The following DAB2IP variants were observed in gnomAD, a reference collection of about 807,000 sequenced individuals.
DAB2IP encodes disabled homolog 2-interacting protein.
Under a neutral mutation model 107.2 loss-of-function variants are expected in DAB2IP, and 28 were observed. The ratio of observed to expected loss-of-function variants is 0.26; its 90% CI spans 0.19 to 0.36. The LOEUF (loss-of-function observed/expected upper bound fraction) is 0.36, where lower values mean the gene tolerates loss of function less well. DAB2IP is among the 10% of genes least tolerant of loss of function. The pLI is 1.00. For missense variants in DAB2IP, 1,400 were observed against 1,644.7 expected (o/e 0.85, Z 2.57); for synonymous variants, 755 against 706.4 (o/e 1.07, Z -1.09).
intron 1 of DAB2IP, among the ~76,000 whole-genome samples, chr9:121,656,379 C>G (rs761226168): frequency 2.6e-5 from 4 of 152,162 alleles, no homozygotes; most frequent in Non-Finnish European, 5.9e-5. Flanking sequence ...GTTGGGCGAG[C>G]CTGAGAACAG....
In DAB2IP at chr9:121,614,318, C is replaced by G. The variant is rs1303531754; in HGVS notation, c.40+47090C>G. Among the ~76,000 whole-genome samples the G allele has an allele frequency of 2.0e-5, 3 of 148,164 alleles. No homozygotes were observed. The Middle Eastern group carries it at 0.011, about 522-fold the overall frequency. On this transcript the variant is annotated intron_variant, in intron 1 of 16. Coordinates refer to the DAB2IP transcript ENST00000259371. ...CCTAATGTGTCCAGGACTCTCCCAC[C>G]TTTGCACTTCTTTCTTTTCTTTTTT...
rs920049219 is a variant in DAB2IP at position 121,599,917 on chromosome 9, C to T, written c.40+32689C>T. Among the ~76,000 whole-genome samples, 3 of 152,138 alleles carry T rather than the reference C, an allele frequency of 2.0e-5. No individual in the cohort carries two copies. Among genetic ancestry groups the T allele is most frequent in the Non-Finnish European group, 4.4e-5 (3 of 68,034 alleles). ...ATGGGCGGCGACTTTGCTTTATTTA[C>T]CCCGCTTTTCCCCTACAGTCCCCTC... On this transcript the variant is annotated intron_variant, in intron 1 of 16. Transcript: ENST00000259371. The surrounding 1 kb of genome is among the most constrained non-coding windows in gnomAD (Gnocchi z 6.9).
intron 1 of DAB2IP, among the ~76,000 whole-genome samples, chr9:121,642,907 T>A (rs1832412270): frequency 6.6e-6 from 1 of 152,062 alleles, no homozygotes; most frequent in South Asian, 2.1e-4. Flanking sequence ...GGAAGGTCTC[T>A]GAGGGTGTGA....
intron 8 of DAB2IP, among the ~76,000 whole-genome samples, chr9:121,764,513 A>G (rs1834125976): frequency 6.6e-6 from 1 of 152,192 alleles, no homozygotes; most frequent in Admixed American, 6.5e-5. Flanking sequence ...CTCCTGGGAT[A>G]TATGTGTGTG....
At chr9:121,783,693 C>A in exon 16 of DAB2IP, 1 of 1,080,648 alleles carries the variant, frequency 9.3e-7, no homozygotes, top group Non-Finnish European at 1.4e-6. Context: ...GTGTGTGTGG[C>A]CGGCCTCCTC....
At chr9:121,769,201 A>G (rs59074078) in intron 10 of DAB2IP, among the ~76,000 whole-genome samples, 7,108 of 152,142 alleles carry the variant, frequency 0.047, 331 homozygotes, top group African/African-American at 0.12. Context: ...CTTCCCGAAT[A>G]TCTGTTGCTT....
Position 121,700,880 on chromosome 9 carries a change from G to T in DAB2IP, c.362+1422G>T, listed in dbSNP as rs1001107387. 2.0e-5 allele frequency among the ~76,000 whole-genome samples: 3 copies of T among 152,274 alleles called. No individual in the cohort carries two copies. The East Asian group carries it at 5.8e-4, about 30-fold the overall frequency. On this transcript the variant is annotated intron_variant, in intron 3 of 15. Coordinates refer to ENST00000408936, the Ensembl canonical transcript of DAB2IP. Reference sequence around the variant, plus strand: ...GCCCTGGTGCCCCAGGGGACCAGGCGTGCCCTGGCAGGAAGATGCAGCCAG... The same window carrying T: ...GCCCTGGTGCCCCAGGGGACCAGGCTTGCCCTGGCAGGAAGATGCAGCCAG...
intron 3 of DAB2IP, among the ~76,000 whole-genome samples, chr9:121,725,399 T>C (rs944828551): frequency 6.6e-6 from 1 of 152,068 alleles, no homozygotes; most frequent in African/African-American, 2.4e-5. Flanking sequence ...TATGGTCAGG[T>C]CTATCTCCAA....
At chr9:121,658,177 G>T (rs1833047901) in intron 1 of DAB2IP, among the ~76,000 whole-genome samples, 2 of 152,298 alleles carry the variant, frequency 1.3e-5, no homozygotes, top group South Asian at 2.1e-4. Flanking sequence ...TACGTGTTTT[G>T]CTTTAGAAAT....
chr9:121,599,578 C>G lies in DAB2IP; in HGVS notation c.40+32350C>G, dbSNP rs1047320990. Among the ~76,000 whole-genome samples, 3 of 151,942 alleles carry G rather than the reference C, an allele frequency of 2.0e-5. No individual in the cohort carries two copies. Among genetic ancestry groups the G allele is most frequent in the Non-Finnish European group, 2.9e-5 (2 of 67,918 alleles). On this transcript the variant is annotated intron_variant, in intron 1 of 16. Transcript: ENST00000259371. The surrounding 1 kb of genome is among the most constrained non-coding windows in gnomAD (Gnocchi z 6.9). ...GGGGGAGGCGCGGAGCCGGCCGTAG[C>G]GCGCTCCTGCCTGGCCAGCCGCCTA...
In DAB2IP at chr9:121,782,603, TG is replaced by T; in HGVS notation, c.*106del. On this transcript the variant is annotated 3_prime_UTR_variant, in exon 16 of 16. Coordinates refer to ENST00000408936, the Ensembl canonical transcript of DAB2IP. The surrounding 1 kb of genome is among the most constrained non-coding windows in gnomAD (Gnocchi z 6.1). ...CCCACGGTTGCAGCCCCAGCGCGGGTGTCAGGAGGCCGAGCCTCCCCTCCCT... is the reference window on the plus strand; with the variant it reads ...CCCACGGTTGCAGCCCCAGCGCGGGTTCAGGAGGCCGAGCCTCCCCTCCCT... 6.5e-7 allele frequency: 1 copy of T among 1,528,582 alleles called. No individual in the cohort carries two copies. Among genetic ancestry groups the T allele is most frequent in the South Asian group, 1.3e-5 (1 of 78,602 alleles). The allele number at this position is 1,528,582 out of a possible 1,614,324, so 94.7% of individuals were successfully genotyped here.
intron 2 of DAB2IP, among the ~76,000 whole-genome samples, chr9:121,686,903 C>T (rs553867090): frequency 6.6e-6 from 1 of 152,370 alleles, no homozygotes; most frequent in South Asian, 2.1e-4. Flanking sequence ...GCAACATCAC[C>T]CCTGACTGAA....
intron 1 of DAB2IP, among the ~76,000 whole-genome samples, chr9:121,602,085 C>T (rs746005293): frequency 2.0e-5 from 3 of 152,082 alleles, no homozygotes; most frequent in Non-Finnish European, 4.4e-5. Flanking sequence ...GGTCACAGTT[C>T]GAGGACCATA....
At chr9:121,570,333 C>T (rs1461782314) in intron 1 of DAB2IP, among the ~76,000 whole-genome samples, 1 of 151,952 alleles carries the variant, frequency 6.6e-6, no homozygotes, top group East Asian at 1.9e-4. Context: ...AGGCTGGTCT[C>T]GAACTCCTGA....
Position 121,699,508 on chromosome 9 carries a change from G to C in DAB2IP, c.362+50G>C. 15 of 1,220,300 alleles carry C rather than the reference G, an allele frequency of 1.2e-5. No individual in the cohort carries two copies. Among genetic ancestry groups the C allele is most frequent in the Non-Finnish European group, 1.5e-5 (15 of 978,708 alleles). 75.6% of individuals were successfully genotyped at this position (1,220,300 alleles called of 1,614,324 possible). A position where few individuals can be genotyped will look rare whatever the true frequency, so the allele number is the denominator to read the frequency against. Reference sequence around the variant, plus strand: ...CCCCCGCGCCGCCGCCCCGGGCTGCGCCCCTGAGGACGCGGGGACAAAGCG... The same window carrying C: ...CCCCCGCGCCGCCGCCCCGGGCTGCCCCCCTGAGGACGCGGGGACAAAGCG... On this transcript the variant is annotated intron_variant, in intron 3 of 15. Transcript: ENST00000408936. The surrounding 1 kb of genome is among the most constrained non-coding windows in gnomAD (Gnocchi z 6.2).
chr9:121,574,195 C>A (rs1204059703), intron 1 of DAB2IP, among the ~76,000 whole-genome samples: 2 of 152,120 alleles, frequency 1.3e-5, no homozygotes, highest in African/African-American at 4.8e-5. Context: ...CACTGGCCTC[C>A]CATCCATCGT....
At chr9:121,580,957 G>T (rs1254513429) in intron 1 of DAB2IP, among the ~76,000 whole-genome samples, 1 of 152,188 alleles carries the variant, frequency 6.6e-6, no homozygotes. Context: ...ATTCAGTGAG[G>T]CTGTACCCCA....
intron 1 of DAB2IP, among the ~76,000 whole-genome samples, chr9:121,666,459 G>A (rs114404534): frequency 1.1e-3 from 162 of 152,322 alleles, no homozygotes; most frequent in African/African-American, 3.8e-3. Context: ...TCCCAGAGAG[G>A]CGTGCCTAAA....
intron 1 of DAB2IP, among the ~76,000 whole-genome samples, chr9:121,582,226 G>A (rs540873967): frequency 1.3e-5 from 2 of 152,208 alleles, no homozygotes; most frequent in Non-Finnish European, 2.9e-5. Flanking sequence ...CATCCCGGCT[G>A]GGGGAGAGCA....
Sources: gnomAD v4.1 joint callset for allele counts (sites outside exome capture counted in the v4.1 genomes callset) on GRCh38, gnomAD v4.1.1 for gene constraint, Gnocchi (gnomAD v3.1) non-coding constraint, MANE v1.5 for transcripts, NCBI Gene and HGNC (gene_info 2026-07-23, HGNC 2026-07-21) for gene names.